FLOT1: variants seen among roughly 807,000 people sequenced by gnomAD.
The protein encoded by FLOT1 is flotillin-1.
Under a neutral mutation model 58.4 loss-of-function variants are expected in FLOT1, and 40 were observed. The ratio of observed to expected loss-of-function variants is 0.69; its 90% CI spans 0.53 to 0.89. The LOEUF (loss-of-function observed/expected upper bound fraction) is 0.89. FLOT1 is among the 40% of genes least tolerant of loss of function. The pLI, the probability that FLOT1 is intolerant of heterozygous loss-of-function variation, is 0.00. For missense variants in FLOT1, 423 were observed against 540.8 expected (o/e 0.78, Z 2.16); for synonymous variants, 178 against 204.2 (o/e 0.87, Z 1.09).
At position 30,737,155 on chromosome 6, in the gene FLOT1, G is replaced by T. The variant is rs1045726507; in HGVS notation, c.723+3003C>A. Among the ~76,000 whole-genome samples the T allele has an allele frequency of 1.3e-5, 2 of 151,516 alleles. No individual in the cohort carries two copies. Among genetic ancestry groups the T allele is most frequent in the Admixed American group, 6.6e-5 (1 of 15,226 alleles). Reference sequence around the variant, plus strand: ...CACCTCACAGCCTTTGCACTTACTGGTCCCCTGCCTAGCCACAAGCCACGT... The same window carrying T: ...CACCTCACAGCCTTTGCACTTACTGTTCCCCTGCCTAGCCACAAGCCACGT... On this transcript the variant is annotated intron_variant, in intron 8 of 12. Transcript: ENST00000376389. The surrounding 1 kb of genome is among the most constrained non-coding windows in gnomAD (Gnocchi z 4.4).
chr6:30,734,046 G>GAAAAAAA, intron 8 of FLOT1, among the ~76,000 whole-genome samples: 2 of 48,804 alleles, frequency 4.1e-5, no homozygotes, highest in Non-Finnish European at 8.2e-5. Flanking sequence ...CCCTGTCTCT[G>GAAAAAAA]AAAAAAAAAA....
At chr6:30,731,181 G>T in intron 8 of FLOT1, 81 bp from the exon 9 acceptor site, 1 of 1,416,676 alleles carries the variant, frequency 7.1e-7, no homozygotes, top group South Asian at 1.3e-5. Context: ...CTCCAGAGTG[G>T]GATATAAAAA....
In FLOT1 at chr6:30,742,109, C is replaced by T; in HGVS notation, c.43+38G>A. On this transcript the variant is annotated intron_variant, in intron 2 of 12. Transcript: ENST00000376389. The surrounding 1 kb of genome is among the most constrained non-coding windows in gnomAD (Gnocchi z 5.2). Reference sequence around the variant, plus strand: ...GGCAGAGGCCAGACTCACAGGGGTTCTGGGGTCACTGGCTGGGAAGGGAAC... The same window carrying T: ...GGCAGAGGCCAGACTCACAGGGGTTTTGGGGTCACTGGCTGGGAAGGGAAC... 1 of 1,606,418 alleles carries T rather than the reference C, an allele frequency of 6.2e-7. No homozygotes were observed. Among genetic ancestry groups the T allele is most frequent in the Non-Finnish European group, 8.5e-7 (1 of 1,174,846 alleles).
intron 5 of FLOT1, 35 bp from the exon 6 acceptor site, chr6:30,740,833 AG>A: frequency 1.9e-5 from 25 of 1,299,498 alleles, no homozygotes; most frequent in Admixed American, 2.5e-5. Context: ...AAGGGATGTA[AG>A]TTTTTTTTTT....
Position 30,742,034 on chromosome 6 carries a change from T to A in FLOT1, c.43+113A>T. 1 of 1,273,056 alleles carries A rather than the reference T, an allele frequency of 7.9e-7. No individual in the cohort carries two copies. The highest frequency in any genetic ancestry group is 1.1e-6 in the Non-Finnish European group (1 of 883,168). 78.9% of individuals were successfully genotyped at this position (1,273,056 alleles called of 1,614,324 possible). A position where few individuals can be genotyped will look rare whatever the true frequency, so the allele number is the denominator to read the frequency against. On this transcript the variant is annotated intron_variant, in intron 2 of 12. Coordinates refer to ENST00000376389, the MANE Select transcript of FLOT1 (RefSeq NM_005803.4). The surrounding 1 kb of genome is among the most constrained non-coding windows in gnomAD (Gnocchi z 5.2). ...AATCAAACTGGGCAGTTCGTGGCCA[T>A]CAAGGGGCAGAAGTCTGGTGCTGGG...
chr6:30,742,052 G>T lies in FLOT1; in HGVS notation c.43+95C>A. 1 of 1,367,094 alleles carries T rather than the reference G, an allele frequency of 7.3e-7. No homozygotes were observed. The highest frequency in any genetic ancestry group is 1.0e-6 in the Non-Finnish European group (1 of 963,414). 84.7% of individuals were successfully genotyped at this position (1,367,094 alleles called of 1,614,324 possible). A position where few individuals can be genotyped will look rare whatever the true frequency, so the allele number is the denominator to read the frequency against. Reference sequence around the variant, plus strand: ...GTGGCCATCAAGGGGCAGAAGTCTGGTGCTGGGAAGTTGGTAGGGAGAGGG... The same window carrying T: ...GTGGCCATCAAGGGGCAGAAGTCTGTTGCTGGGAAGTTGGTAGGGAGAGGG... On this transcript the variant is annotated intron_variant, in intron 2 of 12. Transcript: ENST00000376389. This position sits in a 1 kb window ranked among gnomAD's most constrained non-coding sequence, Gnocchi z 5.2.
Position 30,727,748 on chromosome 6 carries a change from C to G in FLOT1, c.*368G>C, listed in dbSNP as rs187745979. 605 of 370,250 alleles carry G rather than the reference C, an allele frequency of 1.6e-3. 2 individuals carry two copies. Among genetic ancestry groups the G allele is most frequent in the Non-Finnish European group, 2.6e-3 (515 of 198,608 alleles). 22.9% of individuals were successfully genotyped at this position (370,250 alleles called of 1,614,324 possible). On this transcript the variant is annotated 3_prime_UTR_variant, in exon 13 of 13. Coordinates refer to ENST00000376389, the MANE Select transcript of FLOT1 (RefSeq NM_005803.4). ...CTTCTGTTTTATTAGTACTTACTTA[C>G]AGCAATTTATTTGGGTAGCAAAGTT...
At chr6:30,731,457 C>T (rs1294790306) in intron 8 of FLOT1, among the ~76,000 whole-genome samples, 2 of 144,674 alleles carry the variant, frequency 1.4e-5, no homozygotes, top group East Asian at 4.1e-4. Flanking sequence ...TGCACTCCAC[C>T]CTGGGCAACA....
At chr6:30,729,069 C>T (rs189630652) in intron 12 of FLOT1, among the ~76,000 whole-genome samples, 2 of 149,434 alleles carry the variant, frequency 1.3e-5, no homozygotes, top group African/African-American at 2.5e-5. Flanking sequence ...TGAGCTACCG[C>T]GCCTGGAATT....
Position 30,740,722 on chromosome 6 carries a change from A to G in FLOT1, c.431T>C (p.Ile144Thr). 6.2e-7 allele frequency: 1 copy of G among 1,612,792 alleles called. No homozygotes were observed. The highest frequency in any genetic ancestry group is 8.5e-7 in the Non-Finnish European group (1 of 1,179,974). The change falls in exon 6 of 13, where the codon ATC (isoleucine) becomes ACC (threonine). Residue 144 changes from isoleucine (I) to threonine (T), a missense_variant. Ile to Thr is a moderately conservative substitution (Grantham distance 89, BLOSUM62 -1). Around this residue, in one of 6 missense-constraint regions of FLOT1, gnomAD observed 137 missense variants for 194.6 expected, o/e 0.70. Coordinates refer to ENST00000376389, the MANE Select transcript of FLOT1 (RefSeq NM_005803.4). ...VASSDLVNMGISVVSYTLKDI... is the reference protein window; with the variant it reads ...VASSDLVNMGTSVVSYTLKDI... ...CTTCAGAGTGTAGCTAACCACACTG[A>G]TGCCCATGTTGACCAGGTCTGAGGA... is the stretch of plus-strand genomic sequence containing the variant.
chr6:30,728,007 G>A lies in FLOT1; in HGVS notation c.*109C>T. The A allele has an allele frequency of 9.9e-7, 1 of 1,011,490 alleles. No individual in the cohort carries two copies. Among genetic ancestry groups the A allele is most frequent in the South Asian group, 1.3e-5 (1 of 77,816 alleles). 62.7% of individuals were successfully genotyped at this position (1,011,490 alleles called of 1,614,324 possible). On this transcript the variant is annotated 3_prime_UTR_variant, in exon 13 of 13. Coordinates refer to ENST00000376389, the MANE Select transcript of FLOT1 (RefSeq NM_005803.4). ...TTTGGCAAGGAGAGATGAGGGGTGG[G>A]ACCTCACTGTCAATGGACATGCTCA...
chr6:30,734,517 C>T (rs1777430172), intron 8 of FLOT1, among the ~76,000 whole-genome samples: 1 of 151,950 alleles, frequency 6.6e-6, no homozygotes, highest in African/African-American at 2.4e-5. Flanking sequence ...CCGTGTTAGC[C>T]AGGATGGTCT....
chr6:30,728,543 T>G (rs1292496031), intron 12 of FLOT1, among the ~76,000 whole-genome samples: 1 of 151,582 alleles, frequency 6.6e-6, no homozygotes, highest in Non-Finnish European at 1.5e-5. Flanking sequence ...GATCTTGGCT[T>G]ACTGCAGCCT....
intron 8 of FLOT1, among the ~76,000 whole-genome samples, chr6:30,738,305 C>T (rs1451302152): frequency 6.6e-6 from 1 of 152,162 alleles, no homozygotes; most frequent in African/African-American, 2.4e-5. Context: ...CATGTTCAAC[C>T]TGTCAAGTCA....
intron 8 of FLOT1, among the ~76,000 whole-genome samples, chr6:30,738,110 T>C (rs1562189916): frequency 6.6e-6 from 1 of 152,228 alleles, no homozygotes; most frequent in East Asian, 1.9e-4. Flanking sequence ...TGGTAACCCT[T>C]TTCAAACTCA....
At position 30,740,152 on chromosome 6, in the gene FLOT1, T is replaced by G. The variant is rs760067133; in HGVS notation, c.723+6A>C. The G allele has an allele frequency of 3.7e-6, 6 of 1,612,778 alleles. No homozygotes were observed. In the Admixed American group the frequency reaches 1.0e-4, roughly 27 times the overall value. On this transcript the variant is annotated splice_donor_region_variant and intron_variant, in intron 8 of 12. Coordinates refer to ENST00000376389, the MANE Select transcript of FLOT1 (RefSeq NM_005803.4). ...GGGCAGAGAGTGGCCTGGCAGTGGCTCTGACCTGAAGCTGATAGGCCAGGT... is the reference window on the plus strand; with the variant it reads ...GGGCAGAGAGTGGCCTGGCAGTGGCGCTGACCTGAAGCTGATAGGCCAGGT...
chr6:30,729,879 G>A, intron 12 of FLOT1, 143 bp downstream of exon 12: 1 of 702,534 alleles, frequency 1.4e-6, no homozygotes, highest in Non-Finnish European at 2.4e-6. Context: ...TTATGTAGAA[G>A]CTTAGCACTG....
Position 30,742,359 on chromosome 6 carries a change from CA to C in FLOT1, c.-14-157del. On this transcript the variant is annotated intron_variant, in intron 1 of 12. Transcript: ENST00000376389. The surrounding 1 kb of genome is among the most constrained non-coding windows in gnomAD (Gnocchi z 5.2). ...ATGGGTCCGCTAAGGCTTTTCCCTA[CA>C]AAATCCTTAAGATCCCCAGCTACCT... 2 of 646,182 alleles carry C rather than the reference CA, an allele frequency of 3.1e-6. No individual in the cohort carries two copies. The highest frequency in any genetic ancestry group is 2.8e-6 in the Non-Finnish European group (1 of 358,854). 40.0% of individuals were successfully genotyped at this position (646,182 alleles called of 1,614,324 possible).
chr6:30,737,208 T>TTGTC lies in FLOT1; in HGVS notation c.723+2949_723+2950insGACA, dbSNP rs1554208449. Among the ~76,000 whole-genome samples, 5,495 of 138,114 alleles carry TTGTC rather than the reference T, an allele frequency of 0.04. 140 individuals are homozygous for TTGTC. Among genetic ancestry groups the TTGTC allele is most frequent in the African/African-American group, 0.066 (2,346 of 35,738 alleles). The allele number at this position is 138,114 out of a possible 152,430, so 90.6% of individuals were successfully genotyped here. ...GACTGACTGACTGACTGACTGTCTG[T>TTGTC]CGTCCGTCCGTCCGTCCGTCCGTCC... is the stretch of plus-strand genomic sequence containing the variant. On this transcript the variant is annotated intron_variant, in intron 8 of 12. Coordinates refer to ENST00000376389, the MANE Select transcript of FLOT1 (RefSeq NM_005803.4). The surrounding 1 kb of genome is among the most constrained non-coding windows in gnomAD (Gnocchi z 4.4).
Sources: gnomAD v4.1 joint callset for allele counts (sites outside exome capture counted in the v4.1 genomes callset) on GRCh38, gnomAD v4.1.1 for gene constraint, gnomAD v4.1.1 regional missense constraint, Gnocchi (gnomAD v3.1) non-coding constraint, MANE v1.5 for transcripts, NCBI Gene and HGNC (gene_info 2026-07-23, HGNC 2026-07-21) for gene names.